Variants in ICA1 observed in about 807,000 individuals in gnomAD.
ICA1 encodes 69 kDa islet cell autoantigen.
ICA1 carries 40 observed loss-of-function variants against 71.0 expected under a neutral mutation model. The observed-to-expected ratio is 0.56, with a 90% CI of 0.44 to 0.73. The LOEUF is 0.73. ICA1 is among the 30% of genes least tolerant of loss of function. The pLI is 0.00. For synonymous variants in ICA1, 207 were observed against 209.5 expected, an observed-to-expected ratio of 0.99 and a Z score of 0.10; for missense variants, 578 against 576.5, an observed-to-expected ratio of 1.00 and a Z score of -0.03.
chr7:8,138,483 G>A (rs1247010524), intron 12 of ICA1, among the ~76,000 whole-genome samples: 1 of 152,212 alleles, frequency 6.6e-6, no homozygotes, highest in African/African-American at 2.4e-5. Flanking sequence ...GGCTTAGAGA[G>A]TTTAAGTATG....
intron 1 of ICA1, among the ~76,000 whole-genome samples, chr7:8,240,258 C>T (rs9655065): frequency 0.97 from 148,159 of 152,070 alleles, 72,212 homozygotes; most frequent in East Asian, 1. Flanking sequence ...CCTCTGCTGG[C>T]GATACCCAGG....
intron 12 of ICA1, among the ~76,000 whole-genome samples, chr7:8,138,186 G>A (rs1794050985): frequency 6.6e-6 from 1 of 152,152 alleles, no homozygotes; most frequent in Non-Finnish European, 1.5e-5. Flanking sequence ...CCATGGTTCT[G>A]GATTCTCTTT....
At chr7:8,160,523 G>A (rs1803362413) in intron 6 of ICA1, among the ~76,000 whole-genome samples, 1 of 152,156 alleles carries the variant, frequency 6.6e-6, no homozygotes, top group Admixed American at 6.5e-5. Context: ...AAATCAAGAA[G>A]CTCAGAATTA....
At chr7:8,157,272 C>G in intron 7 of ICA1, 58 bp from the exon 8 acceptor site, 1 of 1,455,872 alleles carries the variant, frequency 6.9e-7, no homozygotes, top group Non-Finnish European at 9.3e-7. Flanking sequence ...TAGTCCTGGT[C>G]CCCAGGGAAG....
In ICA1 at chr7:8,181,226, A is replaced by G. The variant is rs551379189; in HGVS notation, c.580-22574T>C. On this transcript the variant is annotated intron_variant, in intron 6 of 13. Coordinates refer to ENST00000402384, the MANE Select transcript of ICA1 (RefSeq NM_001136020.3). ...TCCAACTGATCCAGCGTAATTTTCT[A>G]AAAAGACCATTATTTTCTCCAATGA... is the stretch of plus-strand genomic sequence containing the variant. 2.6e-5 allele frequency among the ~76,000 whole-genome samples: 4 copies of G among 152,246 alleles called. No homozygotes were observed. In the South Asian group the frequency reaches 8.3e-4, roughly 32 times the overall value.
intron 6 of ICA1, among the ~76,000 whole-genome samples, chr7:8,195,911 G>C (rs934162424): frequency 6.6e-6 from 1 of 152,160 alleles, no homozygotes; most frequent in African/African-American, 2.4e-5. Context: ...CCAGGAGGAA[G>C]AGGTTGTGGT....
At chr7:8,128,754 T>C (rs1299358457) in intron 12 of ICA1, among the ~76,000 whole-genome samples, 1 of 152,198 alleles carries the variant, frequency 6.6e-6, no homozygotes, top group East Asian at 1.9e-4. Flanking sequence ...TAAGTGCCTT[T>C]TGCAGCAATA....
intron 6 of ICA1, 37 bp downstream of exon 6, chr7:8,218,268 A>T: frequency 6.4e-7 from 1 of 1,569,646 alleles, no homozygotes. Context: ...ACCTTCCAGC[A>T]GGTACCCCTT....
At chr7:8,211,042 G>T (rs776315081) in intron 6 of ICA1, among the ~76,000 whole-genome samples, 2 of 152,310 alleles carry the variant, frequency 1.3e-5, no homozygotes, top group Admixed American at 6.5e-5. Flanking sequence ...GAGGAAGTCA[G>T]GAGTGGCCTG....
chr7:8,243,933 G>T (rs1387030680), intron 1 of ICA1, among the ~76,000 whole-genome samples: 4 of 152,184 alleles, frequency 2.6e-5, no homozygotes, highest in African/African-American at 9.7e-5. Flanking sequence ...CAAACAAATG[G>T]AAGAACATTC....
rs555693269 is a variant in ICA1 at position 8,200,997 on chromosome 7, C to G, written c.579+17308G>C. On this transcript the variant is annotated intron_variant, in intron 6 of 13. Coordinates refer to ENST00000402384, the MANE Select transcript of ICA1 (RefSeq NM_001136020.3). ...CAAAAAACCCCACAAATTTCATTTA[C>G]TTTAGTGGTCAATGAGTATGGCAGA... Among the ~76,000 whole-genome samples, 34 of 152,298 alleles carry G rather than the reference C, an allele frequency of 2.2e-4. No homozygotes were observed. The South Asian group carries it at 4.4e-3, about 19-fold the overall frequency.
intron 12 of ICA1, among the ~76,000 whole-genome samples, chr7:8,138,104 G>A (rs182614952): frequency 1.6e-4 from 25 of 152,290 alleles, no homozygotes; most frequent in Admixed American, 1.4e-3. Context: ...CAGATGGAGA[G>A]CTAAGGCTAT....
rs536910822 is a variant in ICA1, at chr7:8,211,211, A to AT, written c.579+7093dup. Among the ~76,000 whole-genome samples, 21 of 150,928 alleles carry AT rather than the reference A, an allele frequency of 1.4e-4. 1 individual carries two copies. Among genetic ancestry groups the AT allele is most frequent in the East Asian group, 3.9e-4 (2 of 5,162 alleles). ...AGCATATGTGTTTTGCTGGATGTTA[A>AT]TTTTTTTTTTCCCTTGGAGATTCAG... On this transcript the variant is annotated intron_variant, in intron 6 of 13. Transcript: ENST00000402384.
rs1312294797 is a variant in ICA1, at chr7:8,223,839, T to C, written c.257-2441A>G. ...AATAAGGTTTCAATTATCTGGGACT[T>C]GAGAATTCAGAGACAAAAACATTTT... On this transcript the variant is annotated intron_variant, in intron 4 of 13. Transcript: ENST00000402384. The surrounding 1 kb of genome is among the most constrained non-coding windows in gnomAD (Gnocchi z 4.1). 5.3e-5 allele frequency among the ~76,000 whole-genome samples: 8 copies of C among 152,208 alleles called. No individual in the cohort carries two copies. Among genetic ancestry groups the C allele is most frequent in the South Asian group, 4.1e-4 (2 of 4,836 alleles).
chr7:8,252,660 A>C (rs1256481531), intron 1 of ICA1, among the ~76,000 whole-genome samples: 1 of 151,626 alleles, frequency 6.6e-6, no homozygotes, highest in Non-Finnish European at 1.5e-5. Flanking sequence ...ATTTATAGTT[A>C]TAAAAATTAT....
chr7:8,190,508 T>C (rs1055260886), intron 6 of ICA1, among the ~76,000 whole-genome samples: 1 of 152,254 alleles, frequency 6.6e-6, no homozygotes, highest in African/African-American at 2.4e-5. Flanking sequence ...CTGGACTTAA[T>C]GAAATGTGTT....
At chr7:8,119,137 ACTCC>A (rs1295034449) in intron 13 of ICA1, among the ~76,000 whole-genome samples, 1 of 151,988 alleles carries the variant, frequency 6.6e-6, no homozygotes, top group Admixed American at 6.5e-5. Flanking sequence ...AGGACCCCAC[ACTCC>A]CAGGCAGCTG....
chr7:8,200,170 C>T (rs1789074946), intron 6 of ICA1, among the ~76,000 whole-genome samples: 1 of 151,372 alleles, frequency 6.6e-6, no homozygotes, highest in African/African-American at 2.4e-5. Flanking sequence ...TCTCGGGTAC[C>T]TCATAAATAC....
intron 1 of ICA1, among the ~76,000 whole-genome samples, chr7:8,239,793 T>G (rs1162881437): frequency 2.0e-5 from 3 of 152,210 alleles, no homozygotes; most frequent in African/African-American, 7.2e-5. Context: ...CCTTGCTCAC[T>G]GCTAGCACAG....
Sources: gnomAD v4.1 joint callset for allele counts (sites outside exome capture counted in the v4.1 genomes callset) on GRCh38, gnomAD v4.1.1 for gene constraint, Gnocchi (gnomAD v3.1) non-coding constraint, MANE v1.5 for transcripts, NCBI Gene and HGNC (gene_info 2026-07-23, HGNC 2026-07-21) for gene names.